PCDHGB5: variants seen among roughly 807,000 people sequenced by gnomAD.
PCDHGB5 encodes protocadherin gamma subfamily B, 5.
PCDHGB5 carries 48 observed loss-of-function variants against 62.9 expected under a neutral mutation model. The ratio of observed to expected loss-of-function variants is 0.76; its 90% CI spans 0.61 to 0.97. The LOEUF is 0.97. PCDHGB5 is among the 50% of genes least tolerant of loss of function. PCDHGB5 has a pLI of 0.00. For missense variants in PCDHGB5, 1,118 were observed against 1,198.6 expected (o/e 0.93, Z 0.99); for synonymous variants, 474 against 511.2 (o/e 0.93, Z 0.98).
chr5:141,440,990 C>T (rs1195325115), intron 1 of PCDHGB5: 2 of 152,172 alleles, frequency 1.3e-5, no homozygotes, highest in African/African-American at 4.8e-5. Flanking sequence ...CCAGAGTACC[C>T]ATATCTAGTT....
intron 1 of PCDHGB5, among the ~76,000 whole-genome samples, chr5:141,449,673 G>A (rs7725811): frequency 0.049 from 7,346 of 150,528 alleles, 281 homozygotes; most frequent in African/African-American, 0.1. Flanking sequence ...AAGTGTGTAT[G>A]TATATATGTT....
chr5:141,415,434 C>T, intron 1 of PCDHGB5: 2 of 1,614,192 alleles, frequency 1.2e-6, no homozygotes, highest in Non-Finnish European at 1.7e-6. Context: ...TTCGGGCTTT[C>T]CTGCAGACCT....
chr5:141,486,399 C>G lies in PCDHGB5; in HGVS notation c.2398-8408C>G. On this transcript the variant is annotated intron_variant, in intron 1 of 3. Transcript: ENST00000617380. The surrounding 1 kb of genome is among the most constrained non-coding windows in gnomAD (Gnocchi z 5.0). ...TTCAGGAACCAGTTCTCCCTGGTGA[C>G]TGCTGGACCCTTGGATCGAGAGGCC... The G allele has an allele frequency of 6.2e-7, 1 of 1,614,188 alleles. No individual in the cohort carries two copies. The highest frequency in any genetic ancestry group is 1.1e-5 in the South Asian group (1 of 91,090).
At chr5:141,452,076 G>A (rs978382005) in intron 1 of PCDHGB5, among the ~76,000 whole-genome samples, 3 of 152,092 alleles carry the variant, frequency 2.0e-5, no homozygotes, top group Non-Finnish European at 2.9e-5. Flanking sequence ...TTATTAGTTG[G>A]CATTATACAG....
At chr5:141,466,965 C>A (rs1345790988) in intron 1 of PCDHGB5, among the ~76,000 whole-genome samples, 1 of 152,016 alleles carries the variant, frequency 6.6e-6, no homozygotes, top group East Asian at 1.9e-4. Context: ...CAAATATTTT[C>A]TCACAGCTCA....
At chr5:141,496,602 C>A (rs981108050) in intron 2 of PCDHGB5, among the ~76,000 whole-genome samples, 5 of 152,150 alleles carry the variant, frequency 3.3e-5, no homozygotes, top group Admixed American at 1.3e-4. Flanking sequence ...TCTTAGAAGG[C>A]CCCTAAAAAG....
At position 141,477,222 on chromosome 5, in the gene PCDHGB5, C is replaced by T; in HGVS notation, c.2398-17585C>T. Reference sequence around the variant, plus strand: ...GTACCCGAGGATGCCCCTCTGGGGACTGTCATCGCTTTGCTCAGTGTGACT... The same window carrying T: ...GTACCCGAGGATGCCCCTCTGGGGATTGTCATCGCTTTGCTCAGTGTGACT... On this transcript the variant is annotated intron_variant, in intron 1 of 3. Transcript: ENST00000617380. This position sits in a 1 kb window ranked among gnomAD's most constrained non-coding sequence, Gnocchi z 4.9. 2 of 1,614,218 alleles carry T rather than the reference C, an allele frequency of 1.2e-6. No homozygotes were observed. Among genetic ancestry groups the T allele is most frequent in the South Asian group, 1.1e-5 (1 of 91,086 alleles).
At chr5:141,401,900 AATT>A (rs1215744256) in intron 1 of PCDHGB5, among the ~76,000 whole-genome samples, 1 of 152,196 alleles carries the variant, frequency 6.6e-6, no homozygotes, top group Non-Finnish European at 1.5e-5. Flanking sequence ...CTTTTTCCCA[AATT>A]ATTATATAAG....
intron 1 of PCDHGB5, chr5:141,414,815 G>T (rs1437985019): frequency 2.2e-5 from 35 of 1,614,236 alleles, no homozygotes; most frequent in Non-Finnish European, 2.9e-5. Flanking sequence ...CCTCCACTCA[G>T]CAGCAACGTG....
intron 1 of PCDHGB5, chr5:141,418,083 T>C: frequency 6.2e-7 from 1 of 1,614,068 alleles, no homozygotes; most frequent in Non-Finnish European, 8.5e-7. Context: ...AAGCTGCACT[T>C]CAGCGTAGAC....
At chr5:141,414,870 G>T in intron 1 of PCDHGB5, 1 of 1,614,224 alleles carries the variant, frequency 6.2e-7, no homozygotes, top group Non-Finnish European at 8.5e-7. Flanking sequence ...ATGCGCCCGA[G>T]ATCCTGTACC....
intron 1 of PCDHGB5, chr5:141,408,465 A>C: frequency 6.2e-7 from 1 of 1,613,960 alleles, no homozygotes. Context: ...CTTGTGAAGA[A>C]CCGAATAGAC....
chr5:141,490,232 A>G lies in PCDHGB5; in HGVS notation c.2398-4575A>G. 6.2e-7 allele frequency: 1 copy of G among 1,614,216 alleles called. No homozygotes were observed. Among genetic ancestry groups the G allele is most frequent in the Non-Finnish European group, 8.5e-7 (1 of 1,180,032 alleles). ...CGTGACCAGGGACAGCCTGCCATGG[A>G]GGGCCACTGTGTGATTCAAGTGGAT... On this transcript the variant is annotated intron_variant, in intron 1 of 3. Transcript: ENST00000617380. This position sits in a 1 kb window ranked among gnomAD's most constrained non-coding sequence, Gnocchi z 5.4.
chr5:141,401,189 A>G (rs2094126174), intron 1 of PCDHGB5, among the ~76,000 whole-genome samples: 1 of 152,144 alleles, frequency 6.6e-6, no homozygotes, highest in South Asian at 2.1e-4. Context: ...TAAAAATACA[A>G]AAATTAGCTG....
In PCDHGB5 at chr5:141,489,088, G is replaced by GGCA; in HGVS notation, c.2398-5719_2398-5718insGCA. The GGCA allele has an allele frequency of 2.9e-6, 1 of 347,238 alleles. No individual in the cohort carries two copies. Among genetic ancestry groups the GGCA allele is most frequent in the Non-Finnish European group, 5.0e-6 (1 of 200,706 alleles). The allele number at this position is 347,238 out of a possible 1,614,324, so 21.5% of individuals were successfully genotyped here. A position where few individuals can be genotyped will look rare whatever the true frequency, so the allele number is the denominator to read the frequency against. The stretch of plus-strand genomic sequence containing the variant: ...CCCCTGCCCACCCCCGCCACTCGGT[G>GGCA]ACTAAGAACTGCTGCAAGCAGGCAA... On this transcript the variant is annotated intron_variant, in intron 1 of 3. Coordinates refer to ENST00000617380, the MANE Select transcript of PCDHGB5 (RefSeq NM_018925.3). This position sits in a 1 kb window ranked among gnomAD's most constrained non-coding sequence, Gnocchi z 4.5.
At chr5:141,433,877 A>G (rs1481965040) in intron 1 of PCDHGB5, among the ~76,000 whole-genome samples, 5 of 151,470 alleles carry the variant, frequency 3.3e-5, no homozygotes, top group Admixed American at 6.6e-5. Context: ...AGTTTCATCC[A>G]TTGATGACAC....
At chr5:141,423,448 T>A (rs780751840) in intron 1 of PCDHGB5, 1 of 1,613,992 alleles carries the variant, frequency 6.2e-7, no homozygotes, top group East Asian at 2.2e-5. Context: ...CACGTCACAT[T>A]TTGTAGGCGT....
chr5:141,441,937 C>T, intron 1 of PCDHGB5: 1 of 344,792 alleles, frequency 2.9e-6, no homozygotes, highest in Non-Finnish European at 5.6e-6. Context: ...GCTGTCCTAC[C>T]ACGTGCTGCA....
chr5:141,412,093 GCA>G (rs1252719565), intron 1 of PCDHGB5: 2 of 152,146 alleles, frequency 1.3e-5, no homozygotes, highest in Non-Finnish European at 2.9e-5. Flanking sequence ...GGGTTGATGG[GCA>G]CACACAGTTG....
Sources: gnomAD v4.1 joint callset for allele counts (sites outside exome capture counted in the v4.1 genomes callset) on GRCh38, gnomAD v4.1.1 for gene constraint, Gnocchi (gnomAD v3.1) non-coding constraint, MANE v1.5 for transcripts, NCBI Gene and HGNC (gene_info 2026-07-23, HGNC 2026-07-21) for gene names.